The following STARD9 variants were observed in gnomAD, a reference collection of about 807,000 sequenced individuals.
The protein encoded by STARD9 is stAR-related lipid transfer protein 9.
A neutral mutation model predicts 399.8 loss-of-function variants in STARD9; 346 were observed. That is an observed-to-expected ratio of 0.87 (90% CI 0.79 to 0.95). STARD9 has a LOEUF of 0.95. STARD9 is among the 40% of genes least tolerant of loss of function. The probability of loss-of-function intolerance (pLI) is 0.00; values close to 1 mark genes in which losing one functional copy is unlikely to be tolerated. For missense variants in STARD9, 5,832 were observed against 5,667.5 expected, an observed-to-expected ratio of 1.03 and a Z score of -0.93; for synonymous variants, 2,203 against 2,143.5, an observed-to-expected ratio of 1.03 and a Z score of -0.77.
chr15:42,718,671 T>G, intron 31 of STARD9, 81 bp from the exon 32 acceptor site: 1 of 1,490,486 alleles, frequency 6.7e-7, no homozygotes, highest in African/African-American at 1.4e-5. Flanking sequence ...GTGTTGCCTT[T>G]CACCATACTG....
Position 42,692,528 on chromosome 15 carries a change from C to G in STARD9, c.10950C>G (p.His3650Gln). The change falls in exon 23 of 33, where the codon CAC becomes CAG. Residue 3650 changes from histidine to glutamine, a missense_variant. His to Gln is a conservative substitution (Grantham distance 24). Transcript: ENST00000290607. ...QGTQTLGSRR[H>Q]WSSTDISFAQ... ...CACAGACCCTCGGCAGCAGGCGCCA[C>G]TGGAGCAGCACTGACATCTCCTTTG... The G allele has an allele frequency of 1.3e-6, 2 of 1,537,228 alleles. No individual in the cohort carries two copies. Among genetic ancestry groups the G allele is most frequent in the African/African-American group, 2.7e-5 (2 of 73,190 alleles).
At chr15:42,679,980 A>G (rs939434594) in intron 20 of STARD9, among the ~76,000 whole-genome samples, 2 of 152,136 alleles carry the variant, frequency 1.3e-5, no homozygotes, top group Non-Finnish European at 2.9e-5. Context: ...AGCTTCTCCA[A>G]GCTTCCAAGT....
At chr15:42,605,425 G>A (rs1020084539) in intron 3 of STARD9, among the ~76,000 whole-genome samples, 8 of 152,150 alleles carry the variant, frequency 5.3e-5, no homozygotes, top group Non-Finnish European at 8.8e-5. Context: ...CATCCCCCAA[G>A]TCTAGGTGTC....
At chr15:42,682,077 TTCTC>T in intron 21 of STARD9, 23 bp from the exon 22 acceptor site, 1 of 1,463,584 alleles carries the variant, frequency 6.8e-7, no homozygotes, top group Non-Finnish European at 9.2e-7. Flanking sequence ...GATGCTGAAA[TTCTC>T]TCTGGGTGTT....
Position 42,638,778 on chromosome 15 carries a change from C to A in STARD9, c.525C>A (p.Val175=). 1 of 1,536,224 alleles carries A rather than the reference C, an allele frequency of 6.5e-7. No homozygotes were observed. Among genetic ancestry groups the A allele is most frequent in the South Asian group, 1.2e-5 (1 of 83,950 alleles). ...AAAAAAAGTCCTATACCCTGCGGGT[C>A]AGGGAGCATCCAGAGATGGGGCCCT... is the stretch of plus-strand genomic sequence containing the variant. ...SGQKKSYTLR[V]REHPEMGPYV... Residue 175 remains valine (V), a synonymous_variant, in exon 7 of 33, where the codon GTC becomes GTA. Coordinates refer to ENST00000290607, the MANE Select transcript of STARD9 (RefSeq NM_020759.3).
chr15:42,616,957 T>G (rs2058976306), intron 3 of STARD9, among the ~76,000 whole-genome samples: 1 of 152,054 alleles, frequency 6.6e-6, no homozygotes, highest in African/African-American at 2.4e-5. Flanking sequence ...ATAAATGTAT[T>G]GTAAGGATTA....
intron 15 of STARD9, among the ~76,000 whole-genome samples, chr15:42,667,298 C>T (rs910775474): frequency 9.2e-5 from 14 of 152,154 alleles, no homozygotes; most frequent in African/African-American, 3.4e-4. Flanking sequence ...AATTCTCCTG[C>T]CTCAGCCTCC....
chr15:42,688,206 C>G lies in STARD9; in HGVS notation c.6628C>G (p.Leu2210Val). 1 of 1,537,420 alleles carries G rather than the reference C, an allele frequency of 6.5e-7. No individual in the cohort carries two copies. The highest frequency in any genetic ancestry group is 1.2e-5 in the South Asian group (1 of 84,060). Residue 2210 changes from leucine (L) to valine (V), a missense_variant, in exon 23 of 33, where the codon CTG (leucine) becomes GTG (valine). By Grantham distance (32) the Leu-to-Val change is conservative. This residue lies in a region of STARD9 where 5,828 missense variants were observed against 5,651.1 expected (regional missense o/e 1.03). Coordinates refer to ENST00000290607, the MANE Select transcript of STARD9 (RefSeq NM_020759.3). ...PQRMKALARA[L>V]PLQPRLERSS... Reference sequence around the variant, plus strand: ...GAGAATGAAAGCATTGGCTAGAGCTCTGCCATTGCAACCCAGGCTAGAGAG... The same window carrying G: ...GAGAATGAAAGCATTGGCTAGAGCTGTGCCATTGCAACCCAGGCTAGAGAG...
chr15:42,657,756 T>C (rs1051178907), intron 9 of STARD9, among the ~76,000 whole-genome samples: 13 of 152,142 alleles, frequency 8.5e-5, no homozygotes, highest in African/African-American at 3.1e-4. Context: ...GTAACCAAGA[T>C]AGTGTGGTGT....
Position 42,675,597 on chromosome 15 carries a change from C to A in STARD9, c.1688-67C>A, listed in dbSNP as rs532941416. 114 of 1,230,590 alleles carry A rather than the reference C, an allele frequency of 9.3e-5. 1 individual carries two copies. The East Asian group carries it at 2.5e-3, about 27-fold the overall frequency. The allele number at this position is 1,230,590 out of a possible 1,614,324, so 76.2% of individuals were successfully genotyped here. ...ATGACTTTGTCTCACAGAGCAGTGC[C>A]GTACACATAGTATGTACTCCAAAAC... is the stretch of plus-strand genomic sequence containing the variant. On this transcript the variant is annotated intron_variant, in intron 18 of 32. Transcript: ENST00000290607.
At chr15:42,639,915 GTTTATTT>G (rs1176829287) in intron 7 of STARD9, among the ~76,000 whole-genome samples, 1 of 151,918 alleles carries the variant, frequency 6.6e-6, no homozygotes, top group Non-Finnish European at 1.5e-5. Context: ...CAGTATGCTA[GTTTATTT>G]TTTATTTTTA....
At chr15:42,636,882 G>A (rs1265133456) in intron 4 of STARD9, among the ~76,000 whole-genome samples, 5 of 151,832 alleles carry the variant, frequency 3.3e-5, no homozygotes, top group South Asian at 4.2e-4. Context: ...CCTGGCCAAC[G>A]TGGTGAAACC....
At chr15:42,658,217 T>C (rs1595719535) in intron 9 of STARD9, among the ~76,000 whole-genome samples, 2 of 152,102 alleles carry the variant, frequency 1.3e-5, no homozygotes, top group Non-Finnish European at 1.5e-5. Flanking sequence ...CAATCATGGC[T>C]CACTGCAGCC....
rs1341717506 is a variant in STARD9, at chr15:42,684,408, A to G, written c.2830A>G (p.Met944Val). 1.3e-6 allele frequency: 2 copies of G among 1,537,080 alleles called. No individual in the cohort carries two copies. Among genetic ancestry groups the G allele is most frequent in the East Asian group, 4.9e-5 (2 of 40,920 alleles). Residue 944 changes from methionine (M) to valine (V), a missense_variant, in exon 23 of 33, where the codon ATG becomes GTG. By Grantham distance (21) the Met-to-Val change is conservative. Transcript: ENST00000290607. ...MEMGVKQPHQ[M>V]VSQGLASLRK... is the part of the protein sequence containing the mutation. ...GATGGGGGTTAAGCAGCCCCATCAGATGGTGAGCCAGGGCTTAGCATCTCT... is the reference window on the plus strand; with the variant it reads ...GATGGGGGTTAAGCAGCCCCATCAGGTGGTGAGCCAGGGCTTAGCATCTCT...
intron 22 of STARD9, among the ~76,000 whole-genome samples, chr15:42,683,152 T>C (rs1464303208): frequency 1.3e-5 from 2 of 152,240 alleles, no homozygotes; most frequent in African/African-American, 4.8e-5. Flanking sequence ...TTGTGTCTTA[T>C]ACCTCTTTGT....
intron 3 of STARD9, among the ~76,000 whole-genome samples, chr15:42,626,650 G>A (rs570005175): frequency 3.1e-4 from 47 of 150,998 alleles, no homozygotes; most frequent in Admixed American, 1.2e-3. Context: ...ACAGGCATGC[G>A]CCACCACGCT....
At chr15:42,607,142 G>A (rs2058743899) in intron 3 of STARD9, among the ~76,000 whole-genome samples, 1 of 131,712 alleles carries the variant, frequency 7.6e-6, no homozygotes. Context: ...GCACAACCCT[G>A]TAACCATTGT....
At chr15:42,628,918 T>G (rs548883046) in intron 3 of STARD9, among the ~76,000 whole-genome samples, 346 of 152,332 alleles carry the variant, frequency 2.3e-3, no homozygotes, top group Middle Eastern at 0.02. Context: ...CTGGGTCTTC[T>G]GTGGTTCAAT....
At chr15:42,605,554 G>T (rs1358307031) in intron 3 of STARD9, among the ~76,000 whole-genome samples, 1 of 152,142 alleles carries the variant, frequency 6.6e-6, no homozygotes, top group Non-Finnish European at 1.5e-5. Flanking sequence ...CCTCAGGAGT[G>T]GAAGAGGTAA....
Sources: allele counts gnomAD v4.1 joint callset (sites outside exome capture counted in the v4.1 genomes callset), GRCh38; gene constraint gnomAD v4.1.1; regional missense constraint gnomAD v4.1.1; transcripts MANE v1.5; gene names NCBI Gene and HGNC (gene_info 2026-07-23, HGNC 2026-07-21).